NTRK3: variants seen among roughly 807,000 people sequenced by gnomAD.
NTRK3 encodes neurotrophic receptor tyrosine kinase 3.
A neutral mutation model predicts 91.7 loss-of-function variants in NTRK3; 24 were observed. The ratio of observed to expected loss-of-function variants is 0.26; its 90% CI spans 0.19 to 0.37. NTRK3 has a LOEUF of 0.37. Ranked by LOEUF, NTRK3 falls within the 10% of genes least tolerant of loss-of-function variation. The probability of loss-of-function intolerance (pLI) is 1.00; values close to 1 mark genes in which losing one functional copy is unlikely to be tolerated. For synonymous variants in NTRK3, 483 were observed against 404.0 expected (o/e 1.20, Z -2.34); for missense variants, 880 against 1,068.9 (o/e 0.82, Z 2.46).
At chr15:88,057,024 C>A (rs913793638) in intron 13 of NTRK3, among the ~76,000 whole-genome samples, 5 of 151,134 alleles carry the variant, frequency 3.3e-5, no homozygotes, top group Admixed American at 2.0e-4. Context: ...CAAAAATTAG[C>A]CGGGCATGGT....
At chr15:88,088,151 T>C (rs899827077) in intron 13 of NTRK3, among the ~76,000 whole-genome samples, 1 of 152,170 alleles carries the variant, frequency 6.6e-6, no homozygotes, top group African/African-American at 2.4e-5. Flanking sequence ...AGATCTTGAA[T>C]AAGTCATGAA....
intron 13 of NTRK3, among the ~76,000 whole-genome samples, chr15:88,053,895 A>C (rs1284473785): frequency 1.3e-5 from 2 of 152,232 alleles, no homozygotes; most frequent in Non-Finnish European, 2.9e-5. Flanking sequence ...ATTTGCCTCA[A>C]GTTCTCTTCC....
chr15:88,238,406 A>G (rs1352002467), intron 3 of NTRK3, among the ~76,000 whole-genome samples: 1 of 152,174 alleles, frequency 6.6e-6, no homozygotes, highest in Non-Finnish European at 1.5e-5. Flanking sequence ...TCTACTCATC[A>G]CCTGGAATTA....
chr15:88,109,692 A>C (rs1265872187), intron 13 of NTRK3, among the ~76,000 whole-genome samples: 1 of 152,114 alleles, frequency 6.6e-6, no homozygotes, highest in Non-Finnish European at 1.5e-5. Context: ...CCCACTGAAA[A>C]TCACCTGAGC....
At chr15:87,982,003 G>A (rs558328196) in intron 14 of NTRK3, among the ~76,000 whole-genome samples, 4 of 152,192 alleles carry the variant, frequency 2.6e-5, no homozygotes, top group Non-Finnish European at 5.9e-5. Context: ...TGTAGCTTCT[G>A]AGGATGAAAT....
At chr15:88,212,497 T>A (rs932274533) in intron 3 of NTRK3, among the ~76,000 whole-genome samples, 4 of 152,214 alleles carry the variant, frequency 2.6e-5, no homozygotes, top group African/African-American at 9.6e-5. Flanking sequence ...TTAGCTTACA[T>A]ATGAGGCAAG....
intron 14 of NTRK3, among the ~76,000 whole-genome samples, chr15:87,953,123 C>T (rs1192245201): frequency 6.6e-6 from 1 of 152,200 alleles, no homozygotes; most frequent in Non-Finnish European, 1.5e-5. Flanking sequence ...AGATGTTAAA[C>T]GCACTGGCCG....
At chr15:88,132,744 C>CT (rs1346449014) in intron 10 of NTRK3, among the ~76,000 whole-genome samples, 2 of 152,184 alleles carry the variant, frequency 1.3e-5, no homozygotes, top group Admixed American at 1.3e-4. Context: ...AATTGACTCT[C>CT]TTGAGCGTTT....
Position 88,098,623 on chromosome 15 carries a change from G to C in NTRK3, c.1396+27648C>G, listed in dbSNP as rs74405372. ...GCGGGCCAGCTATGGCGAGGTTGGA[G>C]TGAGGCCTAGAGAACGTGTTAACAT... On this transcript the variant is annotated intron_variant, in intron 13 of 18. Transcript: ENST00000394480. 14 of 230,920 alleles carry C rather than the reference G, an allele frequency of 6.1e-5. No individual in the cohort carries two copies. The East Asian group carries it at 8.6e-4, about 14-fold the overall frequency. 14.3% of individuals were successfully genotyped at this position (230,920 alleles called of 1,614,324 possible). A position where few individuals can be genotyped will look rare whatever the true frequency, so the allele number is the denominator to read the frequency against.
chr15:88,189,943 C>T (rs1471265305), intron 3 of NTRK3, among the ~76,000 whole-genome samples: 1 of 152,042 alleles, frequency 6.6e-6, no homozygotes, highest in Non-Finnish European at 1.5e-5. Context: ...ATGTTTACTC[C>T]TCTCCTATGC....
intron 13 of NTRK3, among the ~76,000 whole-genome samples, chr15:88,084,876 C>T (rs1449739952): frequency 6.6e-6 from 1 of 152,196 alleles, no homozygotes; most frequent in African/African-American, 2.4e-5. Flanking sequence ...CAGCCACATC[C>T]TCCCTTTGAC....
exon 2 of NTRK3, chr15:88,256,451 G>A (rs968551108): frequency 1.9e-6 from 1 of 535,782 alleles, no homozygotes; most frequent in Non-Finnish European, 3.2e-6. Flanking sequence ...CGGGTCCGGG[G>A]GCTCTGGAAG....
At chr15:88,094,437 C>G (rs566461572) in intron 13 of NTRK3, among the ~76,000 whole-genome samples, 1 of 144,176 alleles carries the variant, frequency 6.9e-6, no homozygotes. Flanking sequence ...CCACTGCAGT[C>G]CGCAGTCCCG....
In NTRK3 at chr15:88,237,144, G is replaced by T. The variant is rs1220422824; in HGVS notation, c.248+18762C>A. 6.6e-6 allele frequency among the ~76,000 whole-genome samples: 1 copy of T among 152,196 alleles called. No homozygotes were observed. Among genetic ancestry groups the T allele is most frequent in the African/African-American group, 2.4e-5 (1 of 41,440 alleles). On this transcript the variant is annotated intron_variant, in intron 3 of 18. Coordinates refer to ENST00000394480, the Ensembl canonical transcript of NTRK3. This position sits in a 1 kb window ranked among gnomAD's most constrained non-coding sequence, Gnocchi z 4.0. ...TCAGAAAAATAGGATGGGTTAAGGA[G>T]TGGATAGAGGGCTGGACAGATGGAT...
At chr15:88,131,162 C>T (rs1567483317) in intron 10 of NTRK3, among the ~76,000 whole-genome samples, 2 of 152,214 alleles carry the variant, frequency 1.3e-5, no homozygotes, top group Non-Finnish European at 2.9e-5. Flanking sequence ...TTTCAGCAGA[C>T]GCTGATGCTG....
At chr15:88,022,619 C>T (rs1361755450) in intron 14 of NTRK3, among the ~76,000 whole-genome samples, 1 of 152,124 alleles carries the variant, frequency 6.6e-6, no homozygotes, top group Non-Finnish European at 1.5e-5. Context: ...GGCCACTGAG[C>T]GAAACAGAAA....
At chr15:87,874,647 G>C (rs950840886) in exon 19 of NTRK3, 25 of 232,604 alleles carry the variant, frequency 1.1e-4, no homozygotes, top group Non-Finnish European at 1.6e-4. Flanking sequence ...GAAGCAACAG[G>C]AGCATTGGTG....
chr15:88,055,482 T>C (rs2045598611), intron 13 of NTRK3, among the ~76,000 whole-genome samples: 2 of 152,202 alleles, frequency 1.3e-5, no homozygotes, highest in African/African-American at 4.8e-5. Context: ...CAATGACCCT[T>C]GAAAACATCA....
At chr15:87,881,935 G>C (rs2065278660) in intron 17 of NTRK3, among the ~76,000 whole-genome samples, 1 of 150,596 alleles carries the variant, frequency 6.6e-6, no homozygotes, top group Non-Finnish European at 1.5e-5. Flanking sequence ...CACTCCTGCT[G>C]CCCAGGCTGG....
Sources: allele counts gnomAD v4.1 joint callset (sites outside exome capture counted in the v4.1 genomes callset), GRCh38; gene constraint gnomAD v4.1.1; non-coding constraint Gnocchi (gnomAD v3.1); transcripts MANE v1.5; gene names NCBI Gene and HGNC (gene_info 2026-07-23, HGNC 2026-07-21).